RAB22A: variants seen among roughly 807,000 people sequenced by gnomAD.
RAB22A encodes ras-related protein Rab-22A.
A neutral mutation model predicts 30.2 loss-of-function variants in RAB22A; 13 were observed. The observed-to-expected ratio is 0.43, with a 90% CI of 0.28 to 0.68. The LOEUF is 0.68. RAB22A is among the 30% of genes least tolerant of loss of function. The pLI is 0.18. For missense variants in RAB22A, 177 were observed against 246.8 expected (o/e 0.72, Z 1.89); for synonymous variants, 89 against 87.2 (o/e 1.02, Z -0.11).
chr20:58,358,555 A>G (rs1330380115), intron 6 of RAB22A, among the ~76,000 whole-genome samples: 1 of 152,204 alleles, frequency 6.6e-6, no homozygotes, highest in African/African-American at 2.4e-5. Flanking sequence ...AAATGGTTAA[A>G]TGAATGGTGG....
At chr20:58,321,189 CAAAAAAAAA>C (rs776776631) in intron 2 of RAB22A, among the ~76,000 whole-genome samples, 1 of 117,058 alleles carries the variant, frequency 8.5e-6, no homozygotes, top group Non-Finnish European at 1.8e-5. Context: ...GACTCCATCT[CAAAAAAAAA>C]AAAAAAAATA....
Position 58,317,975 on chromosome 20 carries a change from C to A in RAB22A, c.116+6853C>A, listed in dbSNP as rs372323208. On this transcript the variant is annotated intron_variant, in intron 2 of 6. Coordinates refer to ENST00000244040, the MANE Select transcript of RAB22A (RefSeq NM_020673.3). ...AGCTCAAGCGATCTTCTTGGCTCAG[C>A]CTCCTGAGTAGCTAGGACAACAATA... Among the ~76,000 whole-genome samples, 8 of 152,190 alleles carry A rather than the reference C, an allele frequency of 5.3e-5. No homozygotes were observed. The East Asian group carries it at 1.2e-3, about 22-fold the overall frequency.
intron 2 of RAB22A, among the ~76,000 whole-genome samples, chr20:58,313,567 C>G (rs78933438): frequency 6.6e-6 from 1 of 152,124 alleles, no homozygotes; most frequent in African/African-American, 2.4e-5. Context: ...TTACCACTTC[C>G]GCAACTGCTG....
At chr20:58,355,279 G>A (rs1987112663) in intron 6 of RAB22A, among the ~76,000 whole-genome samples, 1 of 152,228 alleles carries the variant, frequency 6.6e-6, no homozygotes, top group Non-Finnish European at 1.5e-5. Context: ...AGGCCCAGGT[G>A]AAGCCTTGGG....
In RAB22A at chr20:58,364,974, A is replaced by G. The variant is rs1213084047; in HGVS notation, c.*5271A>G. ...GGTCTCGAACTCCTGACCTCAGGTG[A>G]TCTGCTTGCCTCGGCTTCGCAACAT... On this transcript the variant is annotated 3_prime_UTR_variant, in exon 7 of 7. Transcript: ENST00000244040. 1 of 152,106 alleles carries G rather than the reference A, an allele frequency of 6.6e-6. No homozygotes were observed. Among genetic ancestry groups the G allele is most frequent in the East Asian group, 1.9e-4 (1 of 5,200 alleles). The allele number at this position is 152,106 out of a possible 1,614,324, so 9.4% of individuals were successfully genotyped here.
intron 6 of RAB22A, among the ~76,000 whole-genome samples, chr20:58,355,136 G>A (rs1987110927): frequency 1.3e-5 from 2 of 152,168 alleles, no homozygotes; most frequent in South Asian, 2.1e-4. Flanking sequence ...CAGGGTGGAT[G>A]TAGCGTTAAG....
intron 2 of RAB22A, among the ~76,000 whole-genome samples, chr20:58,327,039 G>A (rs540976436): frequency 2.6e-4 from 40 of 152,232 alleles, no homozygotes; most frequent in African/African-American, 8.4e-4. Flanking sequence ...GGGCACAGTC[G>A]CTTATACCTG....
chr20:58,343,625 T>A, intron 2 of RAB22A, 93 bp from the exon 3 acceptor site: 3 of 917,300 alleles, frequency 3.3e-6, no homozygotes, highest in Non-Finnish European at 5.3e-6. Flanking sequence ...GCTGGGAGAC[T>A]GAGCGTTGGT....
chr20:58,361,172 C>T lies in RAB22A; in HGVS notation c.*1469C>T. On this transcript the variant is annotated 3_prime_UTR_variant, in exon 7 of 7. Coordinates refer to ENST00000244040, the MANE Select transcript of RAB22A (RefSeq NM_020673.3). Reference sequence around the variant, plus strand: ...CTGGTCTAATTTGGCACCCTTCCAACCTGAGTATTGTAGGGGAAGGAAATT... The same window carrying T: ...CTGGTCTAATTTGGCACCCTTCCAATCTGAGTATTGTAGGGGAAGGAAATT... The T allele has an allele frequency of 6.6e-6, 1 of 152,536 alleles. No homozygotes were observed. The highest frequency in any genetic ancestry group is 1.9e-4 in the East Asian group (1 of 5,186). The allele number at this position is 152,536 out of a possible 1,614,324, so 9.4% of individuals were successfully genotyped here.
intron 2 of RAB22A, among the ~76,000 whole-genome samples, chr20:58,322,839 A>G (rs1321731215): frequency 6.7e-6 from 1 of 149,592 alleles, no homozygotes; most frequent in Non-Finnish European, 1.5e-5. Flanking sequence ...CTTTTTTTCT[A>G]TCCTTGTGCC....
rs954348941 is a variant in RAB22A, at chr20:58,361,617, C to T, written c.*1914C>T. 1 of 152,196 alleles carries T rather than the reference C, an allele frequency of 6.6e-6. No individual in the cohort carries two copies. Among genetic ancestry groups the T allele is most frequent in the African/African-American group, 2.4e-5 (1 of 41,440 alleles). 9.4% of individuals were successfully genotyped at this position (152,196 alleles called of 1,614,324 possible). ...TAGTTTGACTTTCTTCTGTATACAT[C>T]CAGATGGATCCCAGGCATCCGGGCA... is the stretch of plus-strand genomic sequence containing the variant. On this transcript the variant is annotated 3_prime_UTR_variant, in exon 7 of 7. Transcript: ENST00000244040.
chr20:58,328,273 C>T (rs141054872), intron 2 of RAB22A, among the ~76,000 whole-genome samples: 1 of 152,134 alleles, frequency 6.6e-6, no homozygotes, highest in Non-Finnish European at 1.5e-5. Flanking sequence ...TCACAACCCC[C>T]CAGGCTCAAG....
intron 3 of RAB22A, among the ~76,000 whole-genome samples, chr20:58,346,298 T>A (rs1332424487): frequency 6.6e-6 from 1 of 152,204 alleles, no homozygotes; most frequent in East Asian, 1.9e-4. Context: ...ATTGGCCTGC[T>A]TAATATCCTT....
chr20:58,343,610 G>A lies in RAB22A; in HGVS notation c.117-108G>A, dbSNP rs1008432194. The A allele has an allele frequency of 8.9e-5, 68 of 764,668 alleles. 1 individual carries two copies. The highest frequency in any genetic ancestry group is 5.0e-4 in the Middle Eastern group (2 of 4,034). The allele number at this position is 764,668 out of a possible 1,614,324, so 47.4% of individuals were successfully genotyped here. On this transcript the variant is annotated intron_variant, in intron 2 of 6. Transcript: ENST00000244040. ...GAGAGGAACACAATTAGGATACAGC[G>A]TGGTGCTGGGAGACTGAGCGTTGGT...
At chr20:58,347,853 A>G (rs1986978393) in intron 3 of RAB22A, among the ~76,000 whole-genome samples, 1 of 152,214 alleles carries the variant, frequency 6.6e-6, no homozygotes, top group African/African-American at 2.4e-5. Context: ...CACAACACAT[A>G]TATTAAAAAA....
intron 6 of RAB22A, 111 bp from the exon 7 acceptor site, chr20:58,359,495 C>CT (rs3069388): frequency 0.041 from 13,729 of 332,444 alleles, 93 homozygotes; most frequent in South Asian, 0.065. Flanking sequence ...GTTTATTAAA[C>CT]TTTTTTTTTT....
At chr20:58,320,328 T>A (rs563121661) in intron 2 of RAB22A, among the ~76,000 whole-genome samples, 13 of 152,340 alleles carry the variant, frequency 8.5e-5, no homozygotes, top group African/African-American at 3.1e-4. Flanking sequence ...TTGGTAGTTG[T>A]GTCCTTCAAG....
At chr20:58,352,824 T>G (rs1237141692) in intron 3 of RAB22A, among the ~76,000 whole-genome samples, 1 of 152,242 alleles carries the variant, frequency 6.6e-6, no homozygotes, top group Non-Finnish European at 1.5e-5. Context: ...GTGTACTCAT[T>G]TCTGAAGGAC....
Position 58,345,438 on chromosome 20 carries a change from A to G in RAB22A, c.198+1639A>G, listed in dbSNP as rs368426449. On this transcript the variant is annotated intron_variant, in intron 3 of 6. Transcript: ENST00000244040. ...TTCTCATTGGTTCTGCAACAGGAGT[A>G]GTTGCTCTGAGATGCAAACCTGCCT... 3.3e-5 allele frequency: 5 copies of G among 152,360 alleles called. No individual in the cohort carries two copies. The East Asian group carries it at 7.7e-4, about 24-fold the overall frequency. 9.4% of individuals were successfully genotyped at this position (152,360 alleles called of 1,614,324 possible). A position where few individuals can be genotyped will look rare whatever the true frequency, so the allele number is the denominator to read the frequency against.
Sources: gnomAD v4.1 joint callset for allele counts (sites outside exome capture counted in the v4.1 genomes callset) on GRCh38, gnomAD v4.1.1 for gene constraint, MANE v1.5 for transcripts, NCBI Gene and HGNC (gene_info 2026-07-23, HGNC 2026-07-21) for gene names.